DPP4: variants seen among roughly 807,000 people sequenced by gnomAD.
The protein encoded by DPP4 is ADCP-2.
Under a neutral mutation model 122.4 loss-of-function variants are expected in DPP4, and 93 were observed. The ratio of observed to expected loss-of-function variants is 0.76; its 90% confidence interval spans 0.64 to 0.90. The LOEUF (loss-of-function observed/expected upper bound fraction) is 0.90. Ranked by LOEUF, DPP4 falls within the 40% of genes least tolerant of loss-of-function variation. The pLI is 0.00. For missense variants in DPP4, 914 were observed against 907.3 expected, an observed-to-expected ratio of 1.01 and a Z score of -0.09; for synonymous variants, 321 against 302.9, an observed-to-expected ratio of 1.06 and a Z score of -0.62.
intron 2 of DPP4, among the ~76,000 whole-genome samples, chr2:162,059,493 T>C (rs926199317): frequency 9.9e-5 from 15 of 152,236 alleles, no homozygotes; most frequent in Non-Finnish European, 1.9e-4. Flanking sequence ...AAGGGCTAGT[T>C]TCTCTTCACA....
At chr2:162,071,059 C>G (rs148976338) in intron 2 of DPP4, among the ~76,000 whole-genome samples, 4 of 152,176 alleles carry the variant, frequency 2.6e-5, no homozygotes, top group African/African-American at 9.7e-5. Context: ...GGCCATTTCC[C>G]TCACTTCCCC....
At chr2:162,033,698 A>G (rs1257049814) in intron 9 of DPP4, 45 bp from the exon 10 acceptor site, 2 of 1,307,380 alleles carry the variant, frequency 1.5e-6, no homozygotes, top group Non-Finnish European at 2.1e-6. Flanking sequence ...AAAAAAAAAA[A>G]GTAACATCGT....
At chr2:162,031,676 GT>G (rs970684123) in intron 10 of DPP4, among the ~76,000 whole-genome samples, 1 of 152,052 alleles carries the variant, frequency 6.6e-6, no homozygotes, top group African/African-American at 2.4e-5. Context: ...GGTATTTTTT[GT>G]TCCTGGGGTC....
chr2:162,011,573 G>A (rs1682708189), intron 20 of DPP4, among the ~76,000 whole-genome samples: 1 of 151,988 alleles, frequency 6.6e-6, no homozygotes, highest in Admixed American at 6.6e-5. Flanking sequence ...CATACAGAGA[G>A]GAATTTAGGA....
At chr2:162,009,378 C>T (rs924438450) in intron 20 of DPP4, 83 bp from the exon 21 acceptor site, 4 of 1,230,234 alleles carry the variant, frequency 3.3e-6, no homozygotes, top group Non-Finnish European at 4.8e-6. Context: ...GAAACCCTGC[C>T]ATTTGTTCTC....
chr2:161,998,981 C>T (rs1701075647), intron 23 of DPP4, among the ~76,000 whole-genome samples: 1 of 152,192 alleles, frequency 6.6e-6, no homozygotes, highest in Non-Finnish European at 1.5e-5. Flanking sequence ...ATAAGTGTGC[C>T]ATTTCAAATG....
At chr2:162,073,801 G>T (rs1024751578) in intron 1 of DPP4, among the ~76,000 whole-genome samples, 175 bp downstream of exon 1, 1 of 147,400 alleles carries the variant, frequency 6.8e-6, no homozygotes, top group South Asian at 2.2e-4. Context: ...AGAAGCCAGG[G>T]TCCGAAAGCT....
intron 2 of DPP4, among the ~76,000 whole-genome samples, chr2:162,059,854 A>G (rs955445271): frequency 6.6e-6 from 1 of 152,224 alleles, no homozygotes; most frequent in African/African-American, 2.4e-5. Context: ...AAACAAACAA[A>G]CAAAAAATGT....
intron 2 of DPP4, among the ~76,000 whole-genome samples, chr2:162,050,583 G>A (rs996265673): frequency 2.6e-5 from 4 of 152,198 alleles, no homozygotes; most frequent in Non-Finnish European, 5.9e-5. Context: ...ACTCGGCTGC[G>A]TTAGAATAAC....
Position 162,008,650 on chromosome 2 carries a change from C to A in DPP4, c.1899G>T (p.Gly633=). The A allele has an allele frequency of 1.2e-6, 2 of 1,613,404 alleles. No homozygotes were observed. Among genetic ancestry groups the A allele is most frequent in the Non-Finnish European group, 1.7e-6 (2 of 1,179,552 alleles). The change falls in exon 22 of 26, where the codon GGG becomes GGT. Residue 633 remains glycine, a synonymous_variant. Coordinates refer to ENST00000360534, the MANE Select transcript of DPP4 (RefSeq NM_001935.4). ...RIAIWGWSYG[G]YVTSMVLGSG... ...ATCCCAGGACCATTGAGGTTACGTA[C>A]CCTCCATATGACTAAGGAATGGAAA...
At chr2:162,024,134 G>A (rs1683232601) in intron 11 of DPP4, among the ~76,000 whole-genome samples, 1 of 152,184 alleles carries the variant, frequency 6.6e-6, no homozygotes, top group Admixed American at 6.5e-5. Context: ...GGGGGATTGG[G>A]GAGGTATCCT....
intron 17 of DPP4, 71 bp downstream of exon 17, chr2:162,017,037 G>T (rs1682950023): frequency 2.6e-6 from 4 of 1,523,468 alleles, no homozygotes; most frequent in Non-Finnish European, 3.6e-6. Context: ...ATCACACAAT[G>T]CTAAGTACAT....
At chr2:162,003,303 TGGA>T (rs1324927014) in intron 23 of DPP4, among the ~76,000 whole-genome samples, 1 of 151,724 alleles carries the variant, frequency 6.6e-6, no homozygotes, top group Non-Finnish European at 1.5e-5. Flanking sequence ...GGGGTAGAGC[TGGA>T]GAAGAGGGGG....
chr2:162,039,073 G>T (rs1442684787), intron 6 of DPP4, 52 bp from the exon 7 acceptor site: 1 of 1,611,184 alleles, frequency 6.2e-7, no homozygotes, highest in Non-Finnish European at 8.5e-7. Context: ...TCACATTGGG[G>T]TTTCCTTAAA....
At chr2:162,032,594 G>T (rs917229624) in intron 10 of DPP4, among the ~76,000 whole-genome samples, 1 of 151,906 alleles carries the variant, frequency 6.6e-6, no homozygotes, top group Non-Finnish European at 1.5e-5. Context: ...CAGGAGAATC[G>T]CTTGAACCTG....
At chr2:162,021,196 A>G (rs1295154879) in intron 12 of DPP4, among the ~76,000 whole-genome samples, 1 of 152,142 alleles carries the variant, frequency 6.6e-6, no homozygotes, top group African/African-American at 2.4e-5. Context: ...GTATTTAACC[A>G]TTTCTGGACT....
At chr2:162,043,799 G>A (rs1321483882) in intron 5 of DPP4, among the ~76,000 whole-genome samples, 2 of 152,138 alleles carry the variant, frequency 1.3e-5, no homozygotes, top group Non-Finnish European at 1.5e-5. Context: ...AAACTGAGGT[G>A]GGAGAATCGT....
intron 10 of DPP4, among the ~76,000 whole-genome samples, chr2:162,027,354 A>G (rs1381185214): frequency 6.6e-6 from 1 of 152,118 alleles, no homozygotes; most frequent in East Asian, 1.9e-4. Context: ...GTCTCAAAAA[A>G]AAAAAAAAAG....
chr2:162,058,410 A>G (rs1298180003), intron 2 of DPP4, among the ~76,000 whole-genome samples: 2 of 152,204 alleles, frequency 1.3e-5, no homozygotes, highest in Non-Finnish European at 2.9e-5. Context: ...TGTAATATAC[A>G]TACTGACCTT....
Sources: gnomAD v4.1 joint callset for allele counts (sites outside exome capture counted in the v4.1 genomes callset) on GRCh38, gnomAD v4.1.1 for gene constraint, MANE v1.5 for transcripts, NCBI Gene and HGNC (gene_info 2026-07-23, HGNC 2026-07-21) for gene names.